ZNRF3: variants seen among roughly 807,000 people sequenced by gnomAD.
The protein encoded by ZNRF3 is E3 ubiquitin-protein ligase ZNRF3.
Under a neutral mutation model 72.5 loss-of-function variants are expected in ZNRF3, and 23 were observed. That is an observed-to-expected ratio of 0.32 (90% CI 0.23 to 0.45). The LOEUF is 0.45. Among genes scored for constraint, ZNRF3 ranks in the 20% least tolerant of loss-of-function variants. The pLI is 1.00. For synonymous variants in ZNRF3, 610 were observed against 545.3 expected, an observed-to-expected ratio of 1.12 and a Z score of -1.65; for missense variants, 1,169 against 1,272.1, an observed-to-expected ratio of 0.92 and a Z score of 1.23.
chr22:28,910,211 G>A (rs1269789995), intron 1 of ZNRF3, among the ~76,000 whole-genome samples: 1 of 151,862 alleles, frequency 6.6e-6, no homozygotes. Context: ...AATTTTTTGT[G>A]TGTGTTTTTA....
Position 28,884,080 on chromosome 22 carries a change from G to A in ZNRF3, c.300+14G>A, listed in dbSNP as rs998139277. The A allele has an allele frequency of 1.7e-6, 2 of 1,187,850 alleles. No individual in the cohort carries two copies. Among genetic ancestry groups the A allele is most frequent in the Non-Finnish European group, 2.1e-6 (2 of 946,984 alleles). 73.6% of individuals were successfully genotyped at this position (1,187,850 alleles called of 1,614,324 possible). On this transcript the variant is annotated intron_variant, in intron 1 of 8. Coordinates refer to ENST00000544604, the MANE Select transcript of ZNRF3 (RefSeq NM_001206998.2). Reference sequence around the variant, plus strand: ...GAGATCGTGCAGGTAGCTGCCCGCCGCCCGGGCCCCGCGCCGCCTCCGCCA... The same window carrying A: ...GAGATCGTGCAGGTAGCTGCCCGCCACCCGGGCCCCGCGCCGCCTCCGCCA...
At chr22:29,031,661 C>T (rs958827413) in intron 2 of ZNRF3, 2 of 982,988 alleles carry the variant, frequency 2.0e-6, no homozygotes, top group Non-Finnish European at 2.4e-6. Flanking sequence ...TTAGTGGCCT[C>T]CAGAGGGAGG....
Position 29,046,792 on chromosome 22 carries a change from G to A in ZNRF3, c.821G>A (p.Arg274His), listed in dbSNP as rs770632315. Reference protein sequence around the residue: ...TRKFNSKSKGRREGSCGALDT... With the variant: ...TRKFNSKSKGHREGSCGALDT... ...AAGTTCAACTCCAAGAGCAAGGGGCGCCGGGAGGGGAGCTGTGGGGCCCTG... is the reference window on the plus strand; with the variant it reads ...AAGTTCAACTCCAAGAGCAAGGGGCACCGGGAGGGGAGCTGTGGGGCCCTG... Residue 274 changes from arginine (R) to histidine (H), a missense_variant, in exon 6 of 9, where the codon CGC (arginine) becomes CAC (histidine). Around this residue, in one of 2 missense-constraint regions of ZNRF3, gnomAD observed 386 missense variants for 540.7 expected, o/e 0.71. Coordinates refer to ENST00000544604, the MANE Select transcript of ZNRF3 (RefSeq NM_001206998.2). 18 of 1,611,960 alleles carry A rather than the reference G, an allele frequency of 1.1e-5. No homozygotes were observed. Among genetic ancestry groups the A allele is most frequent in the East Asian group, 2.2e-5 (1 of 44,850 alleles).
chr22:28,892,032 T>C (rs1378278176), intron 1 of ZNRF3, among the ~76,000 whole-genome samples: 1 of 152,216 alleles, frequency 6.6e-6, no homozygotes. Flanking sequence ...CACACCTCCT[T>C]CCTGTGGCTG....
chr22:28,927,609 A>G (rs1200464852), intron 1 of ZNRF3, among the ~76,000 whole-genome samples: 3 of 152,196 alleles, frequency 2.0e-5, no homozygotes, highest in Non-Finnish European at 4.4e-5. Flanking sequence ...ATGTGTGTGT[A>G]AGGTCTTTTA....
At chr22:29,020,710 C>T (rs1170295087) in intron 2 of ZNRF3, among the ~76,000 whole-genome samples, 1 of 151,448 alleles carries the variant, frequency 6.6e-6, no homozygotes, top group Non-Finnish European at 1.5e-5. Context: ...GGGCTCTGTT[C>T]TGCTGGTCTA....
chr22:28,913,623 G>C lies in ZNRF3; in HGVS notation c.300+29557G>C, dbSNP rs78730999. 8.9e-3 allele frequency among the ~76,000 whole-genome samples: 1,354 copies of C among 152,220 alleles called. 30 individuals carry two copies. The highest frequency in any genetic ancestry group is 0.031 in the African/African-American group (1,298 of 41,526). ...TCTTCCATTTCAGCTTAGATTTGTGGTCTTCTCTATAATTGGGTGATGGGG... is the reference window on the plus strand; with the variant it reads ...TCTTCCATTTCAGCTTAGATTTGTGCTCTTCTCTATAATTGGGTGATGGGG... On this transcript the variant is annotated intron_variant, in intron 1 of 8. Transcript: ENST00000544604.
chr22:28,914,915 C>T (rs774169782), intron 1 of ZNRF3, among the ~76,000 whole-genome samples: 19 of 151,952 alleles, frequency 1.3e-4, no homozygotes, highest in Non-Finnish European at 1.9e-4. Context: ...CTCTAGCTTT[C>T]GATGAGGCCC....
At chr22:29,046,297 G>GT (rs2037069141) in intron 5 of ZNRF3, among the ~76,000 whole-genome samples, 1 of 152,188 alleles carries the variant, frequency 6.6e-6, no homozygotes, top group Non-Finnish European at 1.5e-5. Flanking sequence ...GATGGCTTGT[G>GT]TTTTTTGAGC....
chr22:28,979,954 G>A (rs945937949), intron 1 of ZNRF3, among the ~76,000 whole-genome samples: 20 of 152,220 alleles, frequency 1.3e-4, no homozygotes, highest in African/African-American at 4.8e-4. Context: ...GTCTTGAAGG[G>A]CAAAGCATTC....
intron 2 of ZNRF3, among the ~76,000 whole-genome samples, chr22:29,007,474 C>T (rs1421718881): frequency 6.6e-6 from 1 of 151,818 alleles, no homozygotes; most frequent in East Asian, 1.9e-4. Context: ...CCCATCTCTA[C>T]AAATTTTTTT....
chr22:29,053,507 C>T (rs183322167), intron 8 of ZNRF3, 72 bp from the exon 9 acceptor site: 2 of 1,512,252 alleles, frequency 1.3e-6, no homozygotes, highest in Non-Finnish European at 1.8e-6. Context: ...GACAGGGCCA[C>T]CTGAGTCCCT....
intron 6 of ZNRF3, among the ~76,000 whole-genome samples, 158 bp downstream of exon 6, chr22:29,047,041 G>C (rs2037086617): frequency 6.6e-6 from 1 of 152,170 alleles, no homozygotes; most frequent in South Asian, 2.1e-4. Context: ...ATACTTAGCT[G>C]GGTGTTTTTA....
At chr22:28,921,831 A>G (rs1370924394) in intron 1 of ZNRF3, among the ~76,000 whole-genome samples, 2 of 152,352 alleles carry the variant, frequency 1.3e-5, no homozygotes, top group African/African-American at 4.8e-5. Flanking sequence ...AATGGAAGAA[A>G]TTAGTTTCCC....
At chr22:28,942,871 C>T (rs2034972784) in intron 1 of ZNRF3, among the ~76,000 whole-genome samples, 1 of 152,112 alleles carries the variant, frequency 6.6e-6, no homozygotes, top group Non-Finnish European at 1.5e-5. Context: ...GGGATGTAGA[C>T]ATTTTGGACT....
chr22:29,048,563 T>C lies in ZNRF3; in HGVS notation c.1015+72T>C. 1 of 1,489,176 alleles carries C rather than the reference T, an allele frequency of 6.7e-7. No individual in the cohort carries two copies. Among genetic ancestry groups the C allele is most frequent in the Non-Finnish European group, 9.3e-7 (1 of 1,071,454 alleles). The allele number at this position is 1,489,176 out of a possible 1,614,324, so 92.2% of individuals were successfully genotyped here. A position where few individuals can be genotyped will look rare whatever the true frequency, so the allele number is the denominator to read the frequency against. Reference sequence around the variant, plus strand: ...CTAGAGTGTGACACACACCGCAGGCTTGGGAACACTCAGAACCACCGTGGC... The same window carrying C: ...CTAGAGTGTGACACACACCGCAGGCCTGGGAACACTCAGAACCACCGTGGC... On this transcript the variant is annotated intron_variant, in intron 7 of 8. Coordinates refer to ENST00000544604, the MANE Select transcript of ZNRF3 (RefSeq NM_001206998.2). The surrounding 1 kb of genome is among the most constrained non-coding windows in gnomAD (Gnocchi z 4.9).
intron 1 of ZNRF3, among the ~76,000 whole-genome samples, chr22:28,889,332 C>A (rs866586396): frequency 6.6e-5 from 10 of 152,152 alleles, no homozygotes; most frequent in Admixed American, 2.6e-4. Flanking sequence ...TACAACTTTG[C>A]CTCTTCCAGG....
chr22:28,968,090 A>G (rs1414743970), intron 1 of ZNRF3, among the ~76,000 whole-genome samples: 1 of 152,108 alleles, frequency 6.6e-6, no homozygotes, highest in Admixed American at 6.5e-5. Flanking sequence ...CTTCCCCTGG[A>G]TAGCTATCAA....
At position 29,047,813 on chromosome 22, in the gene ZNRF3, T is replaced by A. The variant is rs566030194; in HGVS notation, c.913-576T>A. 2.0e-5 allele frequency among the ~76,000 whole-genome samples: 3 copies of A among 152,332 alleles called. No homozygotes were observed. In the East Asian group the frequency reaches 5.8e-4, roughly 29 times the overall value. On this transcript the variant is annotated intron_variant, in intron 6 of 8. Transcript: ENST00000544604. ...AACTCTGGAGGTGGTTCTGTCCCAATAACTCTATCTGTCTAGATAGGCTGC... is the reference window on the plus strand; with the variant it reads ...AACTCTGGAGGTGGTTCTGTCCCAAAAACTCTATCTGTCTAGATAGGCTGC...
Sources: allele counts gnomAD v4.1 joint callset (sites outside exome capture counted in the v4.1 genomes callset), GRCh38; gene constraint gnomAD v4.1.1; regional missense constraint gnomAD v4.1.1; non-coding constraint Gnocchi (gnomAD v3.1); transcripts MANE v1.5; gene names NCBI Gene and HGNC (gene_info 2026-07-23, HGNC 2026-07-21).